EPHA7: variants seen among roughly 807,000 people sequenced by gnomAD.
EPHA7 encodes the protein ephrin type-A receptor 7.
In EPHA7, 25 loss-of-function variants were observed where a neutral mutation model predicts 112.6. That is an observed-to-expected ratio of 0.22 (90% CI 0.16 to 0.31). The LOEUF (loss-of-function observed/expected upper bound fraction) is 0.31. EPHA7 is among the 10% of genes least tolerant of loss of function. EPHA7 has a pLI of 1.00. For missense variants in EPHA7, 962 were observed against 1,212.6 expected (o/e 0.79, Z 3.07); for synonymous variants, 437 against 406.5 (o/e 1.07, Z -0.90).
intron 6 of EPHA7, among the ~76,000 whole-genome samples, chr6:93,271,197 G>A (rs1242747386): frequency 6.6e-6 from 1 of 151,710 alleles, no homozygotes; most frequent in Non-Finnish European, 1.5e-5. Flanking sequence ...ATGAAGTCAT[G>A]AATTCATAAT....
In EPHA7 at chr6:93,333,928, A is replaced by C. The variant is rs939012793; in HGVS notation, c.1324+22789T>G. On this transcript the variant is annotated intron_variant, in intron 5 of 16. Transcript: ENST00000369303. ...TCAAAATACCGATGAAATTGTTCAC[A>C]TAATTAGATAATACCATTTCAAAAT... is the stretch of plus-strand genomic sequence containing the variant. Among the ~76,000 whole-genome samples the C allele has an allele frequency of 7.9e-5, 12 of 152,140 alleles. No individual in the cohort carries two copies. The East Asian group carries it at 2.3e-3, about 29-fold the overall frequency.
chr6:93,414,924 C>T (rs936063271), intron 1 of EPHA7, among the ~76,000 whole-genome samples, 157 bp from the exon 2 acceptor site: 21 of 151,926 alleles, frequency 1.4e-4, no homozygotes, highest in African/African-American at 4.6e-4. Flanking sequence ...CCTCCTGATA[C>T]ATGTATATTC....
intron 5 of EPHA7, among the ~76,000 whole-genome samples, chr6:93,302,929 T>C (rs1248216704): frequency 1.3e-5 from 2 of 152,082 alleles, no homozygotes; most frequent in African/African-American, 4.8e-5. Flanking sequence ...CAGTTCTTAA[T>C]AGGGGCCACA....
At chr6:93,362,772 G>C (rs1220470883) in intron 3 of EPHA7, among the ~76,000 whole-genome samples, 2 of 151,250 alleles carry the variant, frequency 1.3e-5, no homozygotes, top group Non-Finnish European at 2.9e-5. Context: ...TTTAACTTAA[G>C]CAATTAAGTA....
At chr6:93,274,823 T>C in intron 5 of EPHA7, among the ~76,000 whole-genome samples, 1 of 151,894 alleles carries the variant, frequency 6.6e-6, no homozygotes, top group East Asian at 1.9e-4. Context: ...CTTCAGTATC[T>C]TAGGTATAAA....
In EPHA7 at chr6:93,419,287, G is replaced by T; in HGVS notation, c.55C>A (p.Leu19Ile). 6.2e-7 allele frequency: 1 copy of T among 1,614,102 alleles called. No individual in the cohort carries two copies. The highest frequency in any genetic ancestry group is 8.5e-7 in the Non-Finnish European group (1 of 1,179,980). The part of the protein sequence containing the change: ...SWIILCYIWL[L>I]RFAHTGEAQA... ...GCCTCCCCTGTGTGTGCAAAGCGGA[G>T]CAGCCAGATGTAGCATAAAATAATC... The change falls in exon 1 of 17, where the codon CTC (leucine) becomes ATC (isoleucine). Residue 19 changes from leucine (L) to isoleucine (I), a missense_variant. Transcript: ENST00000369303.
intron 14 of EPHA7, among the ~76,000 whole-genome samples, chr6:93,247,553 C>T (rs963659350): frequency 1.5e-4 from 23 of 152,148 alleles, no homozygotes; most frequent in Middle Eastern, 3.4e-3. Flanking sequence ...TTATGAGTGG[C>T]GACTGCATCC....
intron 3 of EPHA7, among the ~76,000 whole-genome samples, chr6:93,388,752 A>T (rs960112626): frequency 6.6e-6 from 1 of 152,072 alleles, no homozygotes; most frequent in African/African-American, 2.4e-5. Flanking sequence ...ACAGGGGGGA[A>T]TAAAACATTT....
At position 93,255,876 on chromosome 6, in the gene EPHA7, G is replaced by T. The variant is rs748616751; in HGVS notation, c.2334C>A (p.Gly778=). The T allele has an allele frequency of 1.3e-5, 21 of 1,614,010 alleles. No individual in the cohort carries two copies. Among genetic ancestry groups the T allele is most frequent in the Non-Finnish European group, 9.3e-6 (11 of 1,179,992 alleles). Residue 778 remains glycine, a synonymous_variant, in exon 13 of 17, where the codon GGC becomes GGA. Coordinates refer to ENST00000369303, the MANE Select transcript of EPHA7 (RefSeq NM_004440.4). The part of the protein sequence containing the change: ...SNLVCKVSDF[G]LSRVIEDDPE... ...GATCATCCTCTATAACTCGGGACAG[G>T]CCAAAATCTGACACTTTACAAACGA...
At chr6:93,354,060 G>A (rs1775823384) in intron 5 of EPHA7, among the ~76,000 whole-genome samples, 2 of 152,118 alleles carry the variant, frequency 1.3e-5, no homozygotes. Context: ...GTGGATTGCT[G>A]AGGAGGAAGA....
At chr6:93,264,567 A>T in intron 8 of EPHA7, 27 bp downstream of exon 8, 2 of 1,407,834 alleles carry the variant, frequency 1.4e-6, no homozygotes, top group Non-Finnish European at 2.0e-6. Flanking sequence ...ATTTTATGTT[A>T]GAGATTAGAA....
At chr6:93,415,574 A>C (rs1482772696) in intron 1 of EPHA7, among the ~76,000 whole-genome samples, 1 of 152,098 alleles carries the variant, frequency 6.6e-6, no homozygotes, top group Non-Finnish European at 1.5e-5. Context: ...ATATTAATAC[A>C]CATAATATTT....
intron 7 of EPHA7, among the ~76,000 whole-genome samples, chr6:93,265,152 T>C (rs2127869951): frequency 6.6e-6 from 1 of 151,716 alleles, no homozygotes; most frequent in South Asian, 2.1e-4. Context: ...AAATGCTTTA[T>C]CTCTCATATC....
At chr6:93,287,284 T>C (rs760474728) in intron 5 of EPHA7, among the ~76,000 whole-genome samples, 14 of 152,028 alleles carry the variant, frequency 9.2e-5, no homozygotes, top group Non-Finnish European at 1.3e-4. Context: ...ATGAAAAAAA[T>C]TGTCCATATT....
At chr6:93,316,106 A>G (rs1178144139) in intron 5 of EPHA7, among the ~76,000 whole-genome samples, 3 of 152,156 alleles carry the variant, frequency 2.0e-5, no homozygotes, top group Non-Finnish European at 2.9e-5. Context: ...CTAACATAGG[A>G]AGGGCCTGCA....
intron 3 of EPHA7, among the ~76,000 whole-genome samples, chr6:93,382,644 AC>A (rs1326301536): frequency 3.3e-5 from 5 of 151,988 alleles, no homozygotes; most frequent in African/African-American, 1.2e-4. Flanking sequence ...TCCCCACCTT[AC>A]CATTCAGTCC....
At chr6:93,252,123 AT>A (rs1770243742) in intron 14 of EPHA7, among the ~76,000 whole-genome samples, 1 of 85,224 alleles carries the variant, frequency 1.2e-5, no homozygotes, top group African/African-American at 3.1e-5. Flanking sequence ...TTTCTCACTC[AT>A]TAGCTTCTAC....
chr6:93,378,053 C>CAGTTGGTG (rs5878314), intron 3 of EPHA7, among the ~76,000 whole-genome samples: 120,937 of 151,346 alleles, frequency 0.8, 48,469 homozygotes, highest in East Asian at 0.9. Flanking sequence ...GAAACATGGA[C>CAGTTGGTG]TCTTTGGTAT....
chr6:93,387,452 T>C (rs1453629598), intron 3 of EPHA7, among the ~76,000 whole-genome samples: 1 of 152,118 alleles, frequency 6.6e-6, no homozygotes, highest in Admixed American at 6.6e-5. Flanking sequence ...TTCTGAGCCC[T>C]CCAAATTGTT....
Sources: allele counts gnomAD v4.1 joint callset (sites outside exome capture counted in the v4.1 genomes callset), GRCh38; gene constraint gnomAD v4.1.1; transcripts MANE v1.5; gene names NCBI Gene and HGNC (gene_info 2026-07-23, HGNC 2026-07-21).